Variants in SHISA4 observed in about 807,000 individuals in gnomAD.
SHISA4 encodes shisa family member 4.
In SHISA4, 16 loss-of-function variants were observed where a neutral mutation model predicts 24.2. That is an observed-to-expected ratio of 0.66 (90% CI 0.45 to 1.00). The LOEUF (loss-of-function observed/expected upper bound fraction) is 1.00. SHISA4 is among the 50% of genes least tolerant of loss of function. The pLI, the probability that SHISA4 is intolerant of heterozygous loss-of-function variation, is 0.00. For missense variants in SHISA4, 238 were observed against 258.9 expected (o/e 0.92, Z 0.55); for synonymous variants, 106 against 105.4 (o/e 1.01, Z -0.04).
upstream of SHISA4, chr1:201,888,695 C>G (rs947482772): frequency 6.4e-6 from 2 of 312,746 alleles, no homozygotes; most frequent in African/African-American, 4.3e-5. Context: ...CATGGTGGCT[C>G]GGATGGGAGG....
chr1:201,891,596 T>C (rs1681101401), intron 4 of SHISA4, 28 bp downstream of exon 4: 1 of 1,591,970 alleles, frequency 6.3e-7, no homozygotes, highest in Non-Finnish European at 8.6e-7. Context: ...AGCCCCTTGC[T>C]GCTGCCTTCC....
At position 201,892,033 on chromosome 1, in the gene SHISA4, A is replaced by C; in HGVS notation, c.*187A>C. The C allele has an allele frequency of 3.1e-6, 2 of 639,134 alleles. No homozygotes were observed. Among genetic ancestry groups the C allele is most frequent in the Non-Finnish European group, 2.7e-6 (1 of 366,506 alleles). The allele number at this position is 639,134 out of a possible 1,614,324, so 39.6% of individuals were successfully genotyped here. A position where few individuals can be genotyped will look rare whatever the true frequency, so the allele number is the denominator to read the frequency against. On this transcript the variant is annotated 3_prime_UTR_variant, in exon 5 of 5. Transcript: ENST00000362011. ...GTGGAACAGGAGCTGAACTAGAACTATGAGGGGTTGGGGGGAGGGCTTGGA... is the reference window on the plus strand; with the variant it reads ...GTGGAACAGGAGCTGAACTAGAACTCTGAGGGGTTGGGGGGAGGGCTTGGA...
upstream of SHISA4, chr1:201,888,857 T>A: frequency 2.1e-6 from 1 of 478,202 alleles, no homozygotes; most frequent in Non-Finnish European, 3.3e-6. Flanking sequence ...GCGGGGCGCT[T>A]AGTCCCACCC....
chr1:201,889,185 T>G, intron 1 of SHISA4, 118 bp downstream of exon 1: 1 of 1,069,938 alleles, frequency 9.3e-7, no homozygotes, highest in Non-Finnish European at 1.3e-6. Flanking sequence ...CACGGGAGCC[T>G]TGGGTGTTGC....
rs1483371577 is a variant in SHISA4, at chr1:201,891,452, C to T, written c.431C>T (p.Pro144Leu). ...GIPVQPVYPYPQDPKAGPAPP... is the reference protein window; with the variant it reads ...GIPVQPVYPYLQDPKAGPAPP... ...CCAGTGCAGCCAGTATACCCATACC[C>T]CCAGGACCCCAAAGCTGGCCCTGCA... The change falls in exon 4 of 5, where the codon CCC becomes CTC. Residue 144 changes from proline to leucine, a missense_variant. By Grantham distance (98) the Pro-to-Leu change is moderately conservative. Transcript: ENST00000362011. 6.2e-7 allele frequency: 1 copy of T among 1,613,880 alleles called. No individual in the cohort carries two copies. Among genetic ancestry groups the T allele is most frequent in the Non-Finnish European group, 8.5e-7 (1 of 1,179,926 alleles).
chr1:201,891,193 C>A (rs1462959804), intron 3 of SHISA4, among the ~76,000 whole-genome samples: 1 of 152,142 alleles, frequency 6.6e-6, no homozygotes, highest in African/African-American at 2.4e-5. Flanking sequence ...CTGAGGGGAG[C>A]AAACTTGCTC....
Position 201,892,030 on chromosome 1 carries a change from A to G in SHISA4, c.*184A>G. 5 of 658,102 alleles carry G rather than the reference A, an allele frequency of 7.6e-6. No individual in the cohort carries two copies. The highest frequency in any genetic ancestry group is 2.7e-5 in the East Asian group (1 of 36,912). The allele number at this position is 658,102 out of a possible 1,614,324, so 40.8% of individuals were successfully genotyped here. ...GAAGTGGAACAGGAGCTGAACTAGAACTATGAGGGGTTGGGGGGAGGGCTT... is the reference window on the plus strand; with the variant it reads ...GAAGTGGAACAGGAGCTGAACTAGAGCTATGAGGGGTTGGGGGGAGGGCTT... On this transcript the variant is annotated 3_prime_UTR_variant, in exon 5 of 5. Transcript: ENST00000362011.
chr1:201,888,851 G>A (rs1224928588), upstream of SHISA4: 2 of 455,416 alleles, frequency 4.4e-6, no homozygotes, highest in Non-Finnish European at 7.2e-6. Flanking sequence ...GCGCGGGCGG[G>A]GCGCTTAGTC....
chr1:201,888,847 GC>G, upstream of SHISA4: 1 of 439,088 alleles, frequency 2.3e-6, no homozygotes, highest in Non-Finnish European at 3.8e-6. Context: ...GTTAGCGCGG[GC>G]GGGGCGCTTA....
chr1:201,888,849 G>C (rs969456084), upstream of SHISA4: 1 of 445,280 alleles, frequency 2.2e-6, no homozygotes, highest in African/African-American at 2.0e-5. Flanking sequence ...TAGCGCGGGC[G>C]GGGCGCTTAG....
rs1298622046 is a variant in SHISA4, at chr1:201,891,557, A to G, written c.536A>G (p.Tyr179Cys). 5 of 1,610,766 alleles carry G rather than the reference A, an allele frequency of 3.1e-6. No individual in the cohort carries two copies. Among genetic ancestry groups the G allele is most frequent in the Non-Finnish European group, 4.2e-6 (5 of 1,178,278 alleles). Residue 179 changes from tyrosine (Y) to cysteine (C), a missense_variant, in exon 4 of 5, where the codon TAC becomes TGC. Coordinates refer to ENST00000362011, the MANE Select transcript of SHISA4 (RefSeq NM_198149.3). Reference protein sequence around the residue: ...YPLYPAGPPVYNPAAPPPYMP... With the variant: ...YPLYPAGPPVCNPAAPPPYMP... ...CTCTACCCAGCTGGGCCCCCAGTCT[A>G]CAACCCTGCAGGTAAGTAAGCAATC...
chr1:201,891,646 T>G, intron 4 of SHISA4, 78 bp downstream of exon 4: 1 of 1,539,906 alleles, frequency 6.5e-7, no homozygotes, highest in African/African-American at 1.4e-5. Context: ...GCCTCTCTCA[T>G]TCTCAGATTC....
chr1:201,890,461 A>C lies in SHISA4; in HGVS notation c.253A>C (p.Thr85Pro). Residue 85 changes from threonine (T) to proline (P), a missense_variant, in exon 3 of 5, where the codon ACC becomes CCC. By Grantham distance (38) the Thr-to-Pro change is conservative. Transcript: ENST00000362011. ...QKHCLAFSPK[T>P]IAGIASAVIL... ...CCTGTTCTTTGTCTAAAGCCCCAAG[A>C]CCATAGCAGGCATCGCCTCAGCTGT... is the stretch of plus-strand genomic sequence containing the variant. 6.2e-7 allele frequency: 1 copy of C among 1,614,158 alleles called. No homozygotes were observed. The highest frequency in any genetic ancestry group is 8.5e-7 in the Non-Finnish European group (1 of 1,180,012).
rs1247865055 is a variant in SHISA4 at position 201,891,728 on chromosome 1, C to G, written c.548-72C>G. On this transcript the variant is annotated intron_variant, in intron 4 of 4. Coordinates refer to ENST00000362011, the MANE Select transcript of SHISA4 (RefSeq NM_198149.3). ...CTCTTCCCTATGGGTCCTGTCTGCC[C>G]CGGGGGCAGGGGTGTTACTTTTCGT... 8 of 1,588,642 alleles carry G rather than the reference C, an allele frequency of 5.0e-6. 1 individual carries two copies. The South Asian group carries it at 6.6e-5, about 13-fold the overall frequency.
In SHISA4 at chr1:201,891,575, A is replaced by G. The variant is rs764716617; in HGVS notation, c.547+7A>G. ...CCAGTCTACAACCCTGCAGGTAAGT[A>G]AGCAATCTGGAGCCCCTTGCTGCTG... On this transcript the variant is annotated splice_region_variant and intron_variant, in intron 4 of 4. Transcript: ENST00000362011. 2.2e-5 allele frequency: 36 copies of G among 1,604,604 alleles called. No individual in the cohort carries two copies. The highest frequency in any genetic ancestry group is 2.9e-5 in the Non-Finnish European group (34 of 1,174,662).
chr1:201,890,702 A>C (rs1156366490), intron 3 of SHISA4, 115 bp downstream of exon 3: 49 of 1,370,964 alleles, frequency 3.6e-5, no homozygotes, highest in Non-Finnish European at 4.7e-5. Context: ...TTCTGTATAC[A>C]CACACCTGCC....
chr1:201,889,596 G>A lies in SHISA4; in HGVS notation c.225G>A (p.Gln75=). Residue 75 remains glutamine (Q), a synonymous_variant, in exon 2 of 5, where the codon CAG becomes CAA. Coordinates refer to ENST00000362011, the MANE Select transcript of SHISA4 (RefSeq NM_198149.3). The part of the protein sequence containing the change: ...DLTLLITERQ[Q]KHCLAFSPKT... ...CCTTGCTTATCACCGAGAGGCAGCA[G>A]AAGCACTGCCTGGCCTTCAGGTGGG... is the stretch of plus-strand genomic sequence containing the variant. The A allele has an allele frequency of 6.2e-7, 1 of 1,613,788 alleles. No individual in the cohort carries two copies. Among genetic ancestry groups the A allele is most frequent in the Non-Finnish European group, 8.5e-7 (1 of 1,179,996 alleles).
chr1:201,890,135 A>G (rs898970564), intron 2 of SHISA4, among the ~76,000 whole-genome samples: 3 of 152,220 alleles, frequency 2.0e-5, no homozygotes, highest in African/African-American at 7.2e-5. Context: ...GGGTTTGGAA[A>G]AAATGGCTCT....
Position 201,891,284 on chromosome 1 carries a change from C to T in SHISA4, c.380-117C>T, listed in dbSNP as rs552107524. ...GCAGGGTGTGGGAGGCAAAGATGGC[C>T]AGCCTGGAGCTTGCCAGAGGCCAGC... is the stretch of plus-strand genomic sequence containing the variant. On this transcript the variant is annotated intron_variant, in intron 3 of 4. Coordinates refer to ENST00000362011, the MANE Select transcript of SHISA4 (RefSeq NM_198149.3). 1.3e-5 allele frequency: 17 copies of T among 1,267,000 alleles called. No individual in the cohort carries two copies. In the African/African-American group the frequency reaches 2.4e-4, roughly 18 times the overall value. The allele number at this position is 1,267,000 out of a possible 1,614,324, so 78.5% of individuals were successfully genotyped here. A position where few individuals can be genotyped will look rare whatever the true frequency, so the allele number is the denominator to read the frequency against.
Sources: allele counts gnomAD v4.1 joint callset (sites outside exome capture counted in the v4.1 genomes callset), GRCh38; gene constraint gnomAD v4.1.1; transcripts MANE v1.5; gene names NCBI Gene and HGNC (gene_info 2026-07-23, HGNC 2026-07-21).